Variants in DGKB observed in about 807,000 individuals in gnomAD.
DGKB encodes 90 kDa diacylglycerol kinase.
Under a neutral mutation model 114.3 loss-of-function variants are expected in DGKB, and 67 were observed. The ratio of observed to expected loss-of-function variants is 0.59; its 90% CI spans 0.48 to 0.72. DGKB has a LOEUF of 0.72. DGKB is among the 30% of genes least tolerant of loss of function. The pLI is 0.00. For synonymous variants in DGKB, 398 were observed against 323.1 expected, an observed-to-expected ratio of 1.23 and a Z score of -2.49; for missense variants, 907 against 975.2, an observed-to-expected ratio of 0.93 and a Z score of 0.93.
Position 14,391,560 on chromosome 7 carries a change from A to G in DGKB, c.1836-46169T>C, listed in dbSNP as rs112336466. 6.4e-4 allele frequency among the ~76,000 whole-genome samples: 98 copies of G among 152,112 alleles called. 1 individual carries two copies. The highest frequency in any genetic ancestry group is 2.3e-3 in the African/African-American group (96 of 41,540). ...GGAAAAATTAGCCCGGTGTGGTGGCAGATGCCTATAGTCCCATAGTCCCAG... is the reference window on the plus strand; with the variant it reads ...GGAAAAATTAGCCCGGTGTGGTGGCGGATGCCTATAGTCCCATAGTCCCAG... On this transcript the variant is annotated intron_variant, in intron 21 of 25. Coordinates refer to ENST00000402815, the MANE Select transcript of DGKB (RefSeq NM_001350709.2).
At chr7:14,566,298 C>T (rs1797371914) in intron 20 of DGKB, among the ~76,000 whole-genome samples, 1 of 151,962 alleles carries the variant, frequency 6.6e-6, no homozygotes, top group South Asian at 2.1e-4. Flanking sequence ...AGTTTTTACT[C>T]TAAATAAACT....
At chr7:14,395,344 A>G (rs1822051586) in intron 21 of DGKB, among the ~76,000 whole-genome samples, 1 of 152,064 alleles carries the variant, frequency 6.6e-6, no homozygotes, top group South Asian at 2.1e-4. Flanking sequence ...AAATACTTAA[A>G]ATAATCTCTT....
chr7:14,191,952 C>T, intron 23 of DGKB: 1 of 665,408 alleles, frequency 1.5e-6, no homozygotes, highest in East Asian at 5.3e-5. Context: ...TACTTGAAGT[C>T]TGGTGATGCT....
At chr7:14,833,031 C>A (rs542220278) in intron 2 of DGKB, among the ~76,000 whole-genome samples, 2 of 152,200 alleles carry the variant, frequency 1.3e-5, no homozygotes, top group South Asian at 4.1e-4. Flanking sequence ...GTGAGCCACA[C>A]TGACTTACTT....
intron 1 of DGKB, among the ~76,000 whole-genome samples, chr7:14,917,660 CCAGA>C (rs1784306725): frequency 3.3e-5 from 5 of 151,728 alleles, no homozygotes; most frequent in Admixed American, 3.3e-4. Flanking sequence ...AACACCATTC[CCAGA>C]CAGTTTCATT....
intron 1 of DGKB, among the ~76,000 whole-genome samples, chr7:14,913,315 G>A (rs989730411): frequency 2.6e-5 from 4 of 151,566 alleles, no homozygotes; most frequent in African/African-American, 9.7e-5. Flanking sequence ...CATGCATACT[G>A]AGCAGTTATT....
At chr7:14,838,990 C>T (rs1333246787) in intron 2 of DGKB, among the ~76,000 whole-genome samples, 1 of 152,094 alleles carries the variant, frequency 6.6e-6, no homozygotes, top group Non-Finnish European at 1.5e-5. Flanking sequence ...ATATTTGTTT[C>T]AAATCCTCCC....
intron 1 of DGKB, among the ~76,000 whole-genome samples, chr7:14,863,686 T>G (rs191354068): frequency 1.3e-5 from 2 of 152,126 alleles, no homozygotes; most frequent in Non-Finnish European, 2.9e-5. Flanking sequence ...TTGATCTACA[T>G]GTACATTATA....
chr7:14,356,782 G>T (rs1352055585), intron 21 of DGKB, among the ~76,000 whole-genome samples: 2 of 152,178 alleles, frequency 1.3e-5, no homozygotes, highest in Non-Finnish European at 2.9e-5. Context: ...GTGTCCCAGA[G>T]ATTCTGGTAT....
intron 21 of DGKB, among the ~76,000 whole-genome samples, chr7:14,392,240 ATAT>A (rs1302753775): frequency 7.9e-5 from 12 of 152,304 alleles, no homozygotes; most frequent in African/African-American, 2.4e-4. Context: ...ATATAGAGAA[ATAT>A]TATTATATCA....
chr7:14,660,128 G>A (rs1171889495), intron 13 of DGKB, among the ~76,000 whole-genome samples: 4 of 151,642 alleles, frequency 2.6e-5, no homozygotes, highest in Admixed American at 6.6e-5. Context: ...TGCTGGATTT[G>A]TTTTGCCAGT....
At chr7:14,729,335 G>C (rs1049376277) in intron 5 of DGKB, among the ~76,000 whole-genome samples, 4 of 151,700 alleles carry the variant, frequency 2.6e-5, no homozygotes, top group African/African-American at 4.9e-5. Context: ...TGTTAGCCAG[G>C]ATGGTCTCGA....
At position 14,815,399 on chromosome 7, in the gene DGKB, T is replaced by G. The variant is rs73052917; in HGVS notation, c.70+25795A>C. On this transcript the variant is annotated intron_variant, in intron 2 of 25. Transcript: ENST00000402815. The stretch of plus-strand genomic sequence containing the variant: ...TGTTGATTATGGCACACACAAAATA[T>G]CTCAAGTCTGGATATCTTTTGGCAA... Among the ~76,000 whole-genome samples, 235 of 152,284 alleles carry G rather than the reference T, an allele frequency of 1.5e-3. 1 individual carries two copies. The Middle Eastern group carries it at 0.02, about 13-fold the overall frequency.
intron 21 of DGKB, among the ~76,000 whole-genome samples, chr7:14,428,034 A>G (rs930094351): frequency 2.0e-5 from 3 of 152,024 alleles, no homozygotes; most frequent in Non-Finnish European, 2.9e-5. Context: ...TTATTTTTCA[A>G]TATTTTCAAT....
chr7:14,626,704 A>G (rs1364502214), intron 14 of DGKB, among the ~76,000 whole-genome samples: 1 of 152,226 alleles, frequency 6.6e-6, no homozygotes, highest in Non-Finnish European at 1.5e-5. Context: ...CTCTAAATCT[A>G]TTAGTAATCT....
chr7:14,486,635 T>C (rs1359023103), intron 20 of DGKB, among the ~76,000 whole-genome samples: 1 of 152,096 alleles, frequency 6.6e-6, no homozygotes, highest in East Asian at 1.9e-4. Context: ...TTTGCTGTCT[T>C]CTATACAGGA....
At chr7:14,972,648 C>T (rs1206983761) in intron 1 of DGKB, among the ~76,000 whole-genome samples, 2 of 144,736 alleles carry the variant, frequency 1.4e-5, no homozygotes, top group Non-Finnish European at 3.0e-5. Flanking sequence ...AAGATGATTG[C>T]TGATGTCCTC....
intron 23 of DGKB, among the ~76,000 whole-genome samples, chr7:14,275,039 G>GAAAGT (rs1554321116): frequency 6.6e-6 from 1 of 151,884 alleles, no homozygotes; most frequent in Non-Finnish European, 1.5e-5. Context: ...TGTCCTAGAT[G>GAAAGT]AAAGTATTTT....
chr7:14,858,591 T>C (rs911383698), intron 1 of DGKB, among the ~76,000 whole-genome samples: 2 of 152,066 alleles, frequency 1.3e-5, no homozygotes, highest in Non-Finnish European at 2.9e-5. Flanking sequence ...ATGCAGTAAT[T>C]ACTGGGTCTG....
Sources: gnomAD v4.1 joint callset for allele counts (sites outside exome capture counted in the v4.1 genomes callset) on GRCh38, gnomAD v4.1.1 for gene constraint, MANE v1.5 for transcripts, NCBI Gene and HGNC (gene_info 2026-07-23, HGNC 2026-07-21) for gene names.